The following FBXO11 variants were observed in gnomAD, a reference collection of about 807,000 sequenced individuals.
FBXO11 encodes the protein F-box only protein 11.
FBXO11 carries 13 observed loss-of-function variants against 117.0 expected under a neutral mutation model. That is an observed-to-expected ratio of 0.11 (90% CI 0.07 to 0.18). The LOEUF is 0.18. Ranked by LOEUF, FBXO11 falls within the 10% of genes least tolerant of loss-of-function variation. The pLI is 1.00. For synonymous variants in FBXO11, 490 were observed against 380.5 expected (o/e 1.29, Z -3.35); for missense variants, 767 against 1,164.4 (o/e 0.66, Z 4.97).
chr2:47,813,581 G>C (rs1360537591), intron 17 of FBXO11, among the ~76,000 whole-genome samples: 1 of 151,736 alleles, frequency 6.6e-6, no homozygotes, highest in Non-Finnish European at 1.5e-5. Flanking sequence ...ACAGGCGTGT[G>C]CCACCATGTC....
At chr2:47,827,558 C>T (rs971777873) in intron 11 of FBXO11, among the ~76,000 whole-genome samples, 7 of 152,238 alleles carry the variant, frequency 4.6e-5, no homozygotes, top group Middle Eastern at 3.4e-3. Flanking sequence ...CTGCTCGCCT[C>T]GGCTTCCCGA....
intron 1 of FBXO11, among the ~76,000 whole-genome samples, chr2:47,872,162 A>C (rs904821999): frequency 3.3e-5 from 5 of 152,196 alleles, no homozygotes; most frequent in Admixed American, 6.5e-5. Context: ...CCATAAATGT[A>C]TTAGAGTTAA....
chr2:47,808,974 G>A (rs538899162), intron 21 of FBXO11, 184 bp downstream of exon 21: 2 of 482,876 alleles, frequency 4.1e-6, no homozygotes, highest in East Asian at 3.7e-5. Flanking sequence ...TAGGATTACA[G>A]GCATAAGCCA....
chr2:47,857,309 C>A (rs1317703062), intron 1 of FBXO11, among the ~76,000 whole-genome samples: 1 of 151,664 alleles, frequency 6.6e-6, no homozygotes, highest in Non-Finnish European at 1.5e-5. Context: ...TCAGCAGAGA[C>A]AGGGTTTTGT....
At chr2:47,834,938 C>T in intron 5 of FBXO11, 67 bp from the exon 6 acceptor site, 1 of 1,086,198 alleles carries the variant, frequency 9.2e-7, no homozygotes. Context: ...AATTAATGTA[C>T]AATTGCATGA....
In FBXO11 at chr2:47,832,618, A is replaced by G; in HGVS notation, c.1214T>C (p.Ile405Thr). 6.2e-7 allele frequency: 1 copy of G among 1,613,934 alleles called. No individual in the cohort carries two copies. Among genetic ancestry groups the G allele is most frequent in the Non-Finnish European group, 8.5e-7 (1 of 1,179,944 alleles). Residue 405 changes from isoleucine to threonine, a missense_variant, in exon 10 of 23, where the codon ATC becomes ACC. Physicochemically the swap from Ile to Thr is moderately conservative, Grantham distance 89. This residue lies in a region of FBXO11 where 33 missense variants were observed against 66.1 expected (regional missense o/e 0.50). Transcript: ENST00000403359. The part of the protein sequence containing the change: ...GACPTIKHCN[I>T]SDCENVGLYI... ...TAGTCCAACATTTTCACAGTCACTG[A>G]TGTTACAGTGCTTGATGGTGGGACA...
intron 1 of FBXO11, among the ~76,000 whole-genome samples, chr2:47,882,262 A>G (rs1349855058): frequency 6.6e-6 from 1 of 152,158 alleles, no homozygotes; most frequent in Admixed American, 6.5e-5. Context: ...ATGTTGTTCG[A>G]CTGGGGTTGA....
chr2:47,893,559 G>C (rs75842000), intron 1 of FBXO11, among the ~76,000 whole-genome samples: 21,473 of 152,114 alleles, frequency 0.14, 1,682 homozygotes, highest in Non-Finnish European at 0.18. Flanking sequence ...ATAAAACCAA[G>C]AAGCTTACTT....
intron 1 of FBXO11, among the ~76,000 whole-genome samples, chr2:47,861,267 T>C (rs1318859298): frequency 5.3e-5 from 8 of 152,180 alleles, no homozygotes; most frequent in Admixed American, 4.6e-4. Flanking sequence ...ATGGAGTAGA[T>C]ATTGTAATTG....
chr2:47,865,386 G>C (rs1415524694), intron 1 of FBXO11, among the ~76,000 whole-genome samples: 3 of 152,194 alleles, frequency 2.0e-5, no homozygotes, highest in Non-Finnish European at 4.4e-5. Context: ...TGTTCTAAAA[G>C]AAAGAAAGAA....
intron 12 of FBXO11, 31 bp downstream of exon 12, chr2:47,823,112 G>T (rs757781086): frequency 1.3e-6 from 2 of 1,502,050 alleles, no homozygotes; most frequent in Non-Finnish European, 1.8e-6. Flanking sequence ...AAGTGAAAAA[G>T]TAATTTTCAC....
Position 47,901,393 on chromosome 2 carries a change from A to G in FBXO11, c.232+4096T>C, listed in dbSNP as rs183060613. Among the ~76,000 whole-genome samples the G allele has an allele frequency of 3.4e-3, 516 of 152,030 alleles. 1 individual carries two copies. The highest frequency in any genetic ancestry group is 5.7e-3 in the Non-Finnish European group (390 of 67,972). On this transcript the variant is annotated intron_variant, in intron 1 of 22. Coordinates refer to ENST00000403359, the MANE Select transcript of FBXO11 (RefSeq NM_001190274.2). ...TGTGACTTTTCCAATAACTAGAAAA[A>G]AAATACATCTATTTTCAAAAACTCC...
chr2:47,853,836 G>A lies in FBXO11; in HGVS notation c.233-14067C>T, dbSNP rs553124120. 1.4e-3 allele frequency among the ~76,000 whole-genome samples: 214 copies of A among 152,170 alleles called. 1 individual carries two copies. Among genetic ancestry groups the A allele is most frequent in the African/African-American group, 5.1e-3 (210 of 41,520 alleles). ...TCAAAATGTATTTCAAATTCCACCT[G>A]GAGGCTTAAAAAAAGTTATCCAATT... On this transcript the variant is annotated intron_variant, in intron 1 of 22. Transcript: ENST00000403359.
chr2:47,833,360 T>C (rs1222372337), intron 7 of FBXO11, among the ~76,000 whole-genome samples: 1 of 152,186 alleles, frequency 6.6e-6, no homozygotes, highest in Non-Finnish European at 1.5e-5. Context: ...AACCATTCTG[T>C]TTCCAGCAGC....
intron 18 of FBXO11, 191 bp downstream of exon 18, chr2:47,813,043 A>G: frequency 3.2e-6 from 2 of 615,852 alleles, no homozygotes; most frequent in Non-Finnish European, 5.7e-6. Context: ...AAGTGGCTAC[A>G]AAAGGAAAAG....
At position 47,806,990 on chromosome 2, in the gene FBXO11, T is replaced by TTTAATTC. The variant is rs1182907498; in HGVS notation, c.*1121_*1127dup. ...TTTTCTTTCTAGGAAATTAAACCCT[T>TTTAATTC]TTAATTCTTATCTACCTTCTACATA... On this transcript the variant is annotated 3_prime_UTR_variant, in exon 23 of 23. Coordinates refer to ENST00000403359, the MANE Select transcript of FBXO11 (RefSeq NM_001190274.2). 1 of 745,198 alleles carries TTTAATTC rather than the reference T, an allele frequency of 1.3e-6. No homozygotes were observed. The highest frequency in any genetic ancestry group is 2.3e-6 in the Non-Finnish European group (1 of 433,040). The allele number at this position is 745,198 out of a possible 1,614,324, so 46.2% of individuals were successfully genotyped here. A position where few individuals can be genotyped will look rare whatever the true frequency, so the allele number is the denominator to read the frequency against.
chr2:47,810,085 A>AT (rs1254821958), intron 19 of FBXO11: 14 of 502,372 alleles, frequency 2.8e-5, no homozygotes, highest in Admixed American at 7.6e-5. Context: ...ATCCCAATAA[A>AT]TGTTTCATAA....
intron 1 of FBXO11, among the ~76,000 whole-genome samples, chr2:47,868,936 T>A (rs981853867): frequency 6.6e-6 from 1 of 152,244 alleles, no homozygotes. Context: ...CCCATGTTCA[T>A]GGAATTCGCT....
intron 4 of FBXO11, 116 bp downstream of exon 4, chr2:47,838,743 A>C: frequency 1.2e-6 from 1 of 862,306 alleles, no homozygotes; most frequent in South Asian, 2.0e-5. Flanking sequence ...AAGCATTTTA[A>C]TTTTGTTCCA....
Sources: gnomAD v4.1 joint callset for allele counts (sites outside exome capture counted in the v4.1 genomes callset) on GRCh38, gnomAD v4.1.1 for gene constraint, gnomAD v4.1.1 regional missense constraint, MANE v1.5 for transcripts, NCBI Gene and HGNC (gene_info 2026-07-23, HGNC 2026-07-21) for gene names.